Variants in AHI1 observed in about 807,000 individuals in gnomAD.
AHI1 encodes Abelson helper integration site 1.
AHI1 carries 123 observed loss-of-function variants against 149.3 expected under a neutral mutation model. The observed-to-expected ratio is 0.82, with a 90% CI of 0.71 to 0.96. The LOEUF is 0.96. AHI1 is among the 40% of genes least tolerant of loss of function. The probability of loss-of-function intolerance (pLI) is 0.00; values close to 1 mark genes in which losing one functional copy is unlikely to be tolerated. For synonymous variants in AHI1, 475 were observed against 459.8 expected (o/e 1.03, Z -0.42); for missense variants, 1,439 against 1,422.7 (o/e 1.01, Z -0.18).
intron 15 of AHI1, among the ~76,000 whole-genome samples, chr6:135,437,741 T>C (rs1405028325): frequency 6.6e-6 from 1 of 152,196 alleles, no homozygotes; most frequent in African/African-American, 2.4e-5. Context: ...AATTAAGTGA[T>C]GTATCTAAAA....
chr6:135,448,231 A>T, intron 12 of AHI1, 59 bp downstream of exon 12: 1 of 1,206,468 alleles, frequency 8.3e-7, no homozygotes, highest in Non-Finnish European at 1.1e-6. Context: ...AAAACATGCT[A>T]TGTCACCATT....
chr6:135,467,047 C>A (rs1056399863), intron 6 of AHI1, among the ~76,000 whole-genome samples: 4 of 152,214 alleles, frequency 2.6e-5, no homozygotes, highest in South Asian at 4.2e-4. Context: ...GATGACCAAT[C>A]GAGGAGCTGG....
chr6:135,301,999 C>A, intron 26 of AHI1: 1 of 983,330 alleles, frequency 1.0e-6, no homozygotes, highest in Non-Finnish European at 1.2e-6. Context: ...TTATTCTTTT[C>A]TTTTTTTTAA....
At chr6:135,352,461 G>A (rs1391958887) in intron 24 of AHI1, among the ~76,000 whole-genome samples, 1 of 151,996 alleles carries the variant, frequency 6.6e-6, no homozygotes, top group Admixed American at 6.6e-5. Context: ...ATCCTTTCAT[G>A]ATCTGGTTTA....
intron 23 of AHI1, among the ~76,000 whole-genome samples, chr6:135,365,113 G>A (rs1234058385): frequency 1.3e-5 from 2 of 152,224 alleles, no homozygotes; most frequent in African/African-American, 2.4e-5. Context: ...TTGCTTTGTC[G>A]AAGATCAGTT....
Position 135,285,161 on chromosome 6 carries a change from C to G in AHI1, c.*484G>C, listed in dbSNP as rs1045439496. 5.9e-6 allele frequency: 1 copy of G among 169,288 alleles called. No homozygotes were observed. The highest frequency in any genetic ancestry group is 1.3e-5 in the Non-Finnish European group (1 of 78,684). 10.5% of individuals were successfully genotyped at this position (169,288 alleles called of 1,614,324 possible). A position where few individuals can be genotyped will look rare whatever the true frequency, so the allele number is the denominator to read the frequency against. On this transcript the variant is annotated 3_prime_UTR_variant, in exon 29 of 29. Transcript: ENST00000265602. ...TGCTAGGATTACAGGCATGAGGCAC[C>G]GTGCCCAGTCAGCTGCTTATCTTTT...
At position 135,490,715 on chromosome 6, in the gene AHI1, G is replaced by A. The variant is rs766052712; in HGVS notation, c.43C>T (p.Arg15Cys). 4.3e-6 allele frequency: 7 copies of A among 1,612,600 alleles called. No homozygotes were observed. The highest frequency in any genetic ancestry group is 1.7e-5 in the Admixed American group (1 of 59,878). ...TGGGTCTTAAGCAATTCTTCAAAGC[G>A]AACTTTGGTTTTTACTTTTGCTTCA... The part of the protein sequence containing the change: ...ESEAKVKTKV[R>C]FEELLKTHSD... Residue 15 changes from arginine (R) to cysteine (C), a missense_variant, in exon 5 of 29, where the codon CGC (arginine) becomes TGC (cysteine). By Grantham distance (180) the Arg-to-Cys change is radical. Coordinates refer to ENST00000265602, the MANE Select transcript of AHI1 (RefSeq NM_001134831.2).
chr6:135,491,867 G>A (rs1213619858), intron 4 of AHI1, among the ~76,000 whole-genome samples: 1 of 152,200 alleles, frequency 6.6e-6, no homozygotes, highest in Non-Finnish European at 1.5e-5. Flanking sequence ...AGCAGTTATA[G>A]CAGAGACTAA....
intron 3 of AHI1, 171 bp from the exon 4 acceptor site, chr6:135,492,462 T>A: frequency 8.0e-7 from 1 of 1,255,608 alleles, no homozygotes; most frequent in Non-Finnish European, 1.0e-6. Context: ...TACATTTGAA[T>A]CAGTTTAGGG....
chr6:135,321,401 T>C (rs1786806389), intron 25 of AHI1, among the ~76,000 whole-genome samples: 1 of 152,126 alleles, frequency 6.6e-6, no homozygotes, highest in Non-Finnish European at 1.5e-5. Context: ...CATAGAACTT[T>C]TTAGGGGAGG....
intron 5 of AHI1, among the ~76,000 whole-genome samples, chr6:135,469,810 TTAACTCAAGA>T (rs1390208691): frequency 6.6e-6 from 1 of 152,064 alleles, no homozygotes; most frequent in Non-Finnish European, 1.5e-5. Context: ...TATACAAAAA[TTAACTCAAGA>T]TAACTTAAAC....
chr6:135,462,418 T>C lies in AHI1; in HGVS notation c.931+707A>G, dbSNP rs76816993. Among the ~76,000 whole-genome samples, 1,481 of 152,190 alleles carry C rather than the reference T, an allele frequency of 9.7e-3. 9 individuals are homozygous for C. The highest frequency in any genetic ancestry group is 0.027 in the Middle Eastern group (8 of 294). On this transcript the variant is annotated intron_variant, in intron 8 of 28. Coordinates refer to ENST00000265602, the MANE Select transcript of AHI1 (RefSeq NM_001134831.2). ...GTATTAGGCTGACGAATTGGGAGGATACCATGTTGGACAGGATGCAGCCTT... is the reference window on the plus strand; with the variant it reads ...GTATTAGGCTGACGAATTGGGAGGACACCATGTTGGACAGGATGCAGCCTT...
chr6:135,343,518 T>C (rs1790689950), intron 24 of AHI1, among the ~76,000 whole-genome samples: 3 of 151,790 alleles, frequency 2.0e-5, no homozygotes, highest in African/African-American at 7.2e-5. Flanking sequence ...AACCGTGTAA[T>C]GCTGACCATA....
chr6:135,386,305 G>C, intron 23 of AHI1, among the ~76,000 whole-genome samples: 1 of 150,002 alleles, frequency 6.7e-6, no homozygotes, highest in Admixed American at 6.6e-5. Context: ...ATAGAAAAGT[G>C]TTTTGTTTTT....
chr6:135,446,767 T>C lies in AHI1; in HGVS notation c.1779+241A>G, dbSNP rs146780483. ...CCACCCAGTCAGTGGTATTTTGTTATAGCAGCCCAAGCTAATACAATTGCC... is the reference window on the plus strand; with the variant it reads ...CCACCCAGTCAGTGGTATTTTGTTACAGCAGCCCAAGCTAATACAATTGCC... On this transcript the variant is annotated intron_variant, in intron 13 of 28. Transcript: ENST00000265602. Among the ~76,000 whole-genome samples, 455 of 152,328 alleles carry C rather than the reference T, an allele frequency of 3.0e-3. 7 individuals carry two copies. The highest frequency in any genetic ancestry group is 0.014 in the Middle Eastern group (4 of 294).
At chr6:135,305,980 G>T (rs1467403123) in intron 26 of AHI1, among the ~76,000 whole-genome samples, 1 of 151,962 alleles carries the variant, frequency 6.6e-6, no homozygotes, top group Non-Finnish European at 1.5e-5. Flanking sequence ...CTCACCACAT[G>T]GTCTCATAGT....
intron 24 of AHI1, among the ~76,000 whole-genome samples, chr6:135,326,749 T>C (rs1459955090): frequency 8.4e-6 from 1 of 119,610 alleles, no homozygotes; most frequent in Non-Finnish European, 1.7e-5. Flanking sequence ...GAGGTAGAGA[T>C]GGGGTTTCAC....
At chr6:135,351,994 G>C (rs1016688925) in intron 24 of AHI1, among the ~76,000 whole-genome samples, 5 of 152,006 alleles carry the variant, frequency 3.3e-5, no homozygotes. Flanking sequence ...CTTTTCCTTT[G>C]AGTCCCTTTC....
intron 26 of AHI1, among the ~76,000 whole-genome samples, chr6:135,314,275 C>T (rs1785623713): frequency 6.6e-6 from 1 of 152,112 alleles, no homozygotes; most frequent in African/African-American, 2.4e-5. Context: ...ATGAGAGACA[C>T]AAAAAAGCTT....
Sources: allele counts gnomAD v4.1 joint callset (sites outside exome capture counted in the v4.1 genomes callset), GRCh38; gene constraint gnomAD v4.1.1; transcripts MANE v1.5; gene names NCBI Gene and HGNC (gene_info 2026-07-23, HGNC 2026-07-21).